The following SCAF11 variants were observed in gnomAD, a reference collection of about 807,000 sequenced individuals.
SCAF11 encodes the protein SR-related CTD associated factor 11.
SCAF11 carries 47 observed loss-of-function variants against 140.5 expected under a neutral mutation model. The ratio of observed to expected loss-of-function variants is 0.33; its 90% CI spans 0.26 to 0.43. The LOEUF is 0.43. Among genes scored for constraint, SCAF11 ranks in the 20% least tolerant of loss-of-function variants. The pLI is 1.00. For synonymous variants in SCAF11, 557 were observed against 579.4 expected (o/e 0.96, Z 0.55); for missense variants, 1,645 against 1,705.1 (o/e 0.96, Z 0.62).
intron 1 of SCAF11, among the ~76,000 whole-genome samples, chr12:45,983,335 G>A (rs150517492): frequency 1.3e-5 from 2 of 152,180 alleles, no homozygotes; most frequent in African/African-American, 4.8e-5. Context: ...CTCCCCTAGG[G>A]CACAGACCTA....
intron 10 of SCAF11, 44 bp downstream of exon 10, chr12:45,931,459 CTAA>C (rs762258577): frequency 2.0e-6 from 2 of 997,684 alleles, no homozygotes; most frequent in South Asian, 2.4e-5. Context: ...CTGGAAGAAA[CTAA>C]TAATAATAAT....
rs1403102037 is a variant in SCAF11, at chr12:45,955,055, G to A, written c.220-3328C>T. The A allele has an allele frequency of 2.0e-5, 3 of 151,922 alleles. No individual in the cohort carries two copies. In the East Asian group the frequency reaches 5.8e-4, roughly 29 times the overall value. 9.4% of individuals were successfully genotyped at this position (151,922 alleles called of 1,614,324 possible). A position where few individuals can be genotyped will look rare whatever the true frequency, so the allele number is the denominator to read the frequency against. ...CAAGAAAAAAAAGTAGTAGTAATAGGAAAACTACTGCCATATATCATCACA... is the reference window on the plus strand; with the variant it reads ...CAAGAAAAAAAAGTAGTAGTAATAGAAAAACTACTGCCATATATCATCACA... On this transcript the variant is annotated intron_variant, in intron 3 of 14. Coordinates refer to ENST00000369367, the MANE Select transcript of SCAF11 (RefSeq NM_004719.3).
chr12:45,989,969 G>A (rs1592235545), intron 1 of SCAF11, among the ~76,000 whole-genome samples: 1 of 151,204 alleles, frequency 6.6e-6, no homozygotes, highest in Non-Finnish European at 1.5e-5. Flanking sequence ...CTGGCGTGGA[G>A]CCCCTTCCCC....
upstream of SCAF11, chr12:45,990,677 G>A: frequency 1.0e-6 from 1 of 982,784 alleles, no homozygotes; most frequent in Non-Finnish European, 1.3e-6. Context: ...TGACGACGGC[G>A]GCAGCCGGAC....
chr12:45,936,145 T>C (rs1000647130), intron 6 of SCAF11, among the ~76,000 whole-genome samples: 2 of 151,610 alleles, frequency 1.3e-5, no homozygotes, highest in African/African-American at 2.4e-5. Context: ...GTGGTTTTTT[T>C]TGTTTTTTTT....
At chr12:45,958,139 G>A (rs1032697326) in intron 3 of SCAF11, among the ~76,000 whole-genome samples, 6 of 151,644 alleles carry the variant, frequency 4.0e-5, no homozygotes, top group Non-Finnish European at 7.4e-5. Flanking sequence ...TCCTGGGCTC[G>A]AGTGATCCAC....
chr12:45,991,897 C>G (rs1317686084), upstream of SCAF11: 3 of 1,286,826 alleles, frequency 2.3e-6, no homozygotes, highest in East Asian at 1.7e-4. Context: ...AGGTCCCAGT[C>G]GCTTTCAGCC....
At chr12:45,979,990 T>A (rs181845954) in intron 1 of SCAF11, among the ~76,000 whole-genome samples, 3 of 152,298 alleles carry the variant, frequency 2.0e-5, no homozygotes, top group Admixed American at 1.3e-4. Flanking sequence ...GCCCATAACC[T>A]AGATTTTTGT....
rs774101580 is a variant in SCAF11 at position 45,927,333 on chromosome 12, G to C, written c.2368C>G (p.Arg790Gly). 4 of 1,614,016 alleles carry C rather than the reference G, an allele frequency of 2.5e-6. No homozygotes were observed. The highest frequency in any genetic ancestry group is 1.7e-5 in the Admixed American group (1 of 60,000). The change falls in exon 11 of 15, where the codon CGA (arginine) becomes GGA (glycine). Residue 790 changes from arginine to glycine, a missense_variant. Around this residue, in one of 2 missense-constraint regions of SCAF11, gnomAD observed 1,582 missense variants for 1,609.2 expected, o/e 0.98. Coordinates refer to ENST00000369367, the MANE Select transcript of SCAF11 (RefSeq NM_004719.3). ...GATGGAGAATGAAATCTAGATCTTC[G>C]AGTACGAGGCTTTTTGGTTTTATCT... ...TIDKTKKPRT[R>G]RSRFHSPSTT...
intron 9 of SCAF11, among the ~76,000 whole-genome samples, chr12:45,932,727 C>T (rs1246556216): frequency 6.6e-6 from 1 of 151,918 alleles, no homozygotes; most frequent in East Asian, 1.9e-4. Context: ...AGAGTAGGCA[C>T]TTGATCAAAT....
chr12:45,954,371 G>A lies in SCAF11; in HGVS notation c.220-2644C>T, dbSNP rs369249749. ...CCCATGTCAGCCTCCTGAGTAGCTG[G>A]GACTACAGGTGCATGCCACCATACC... is the stretch of plus-strand genomic sequence containing the variant. On this transcript the variant is annotated intron_variant, in intron 3 of 14. Coordinates refer to ENST00000369367, the MANE Select transcript of SCAF11 (RefSeq NM_004719.3). 4.6e-5 allele frequency among the ~76,000 whole-genome samples: 7 copies of A among 151,924 alleles called. No homozygotes were observed. The South Asian group carries it at 6.2e-4, about 14-fold the overall frequency.
chr12:45,930,662 T>A (rs930919981), intron 10 of SCAF11, among the ~76,000 whole-genome samples: 14 of 152,134 alleles, frequency 9.2e-5, no homozygotes, highest in Non-Finnish European at 4.4e-5. Flanking sequence ...TAATACTGTA[T>A]CTTTACAGCT....
intron 1 of SCAF11, among the ~76,000 whole-genome samples, chr12:45,965,940 A>T (rs1945936420): frequency 6.6e-6 from 1 of 152,246 alleles, no homozygotes; most frequent in Admixed American, 6.5e-5. Flanking sequence ...AGGTTGTAGC[A>T]GATCAAATAC....
rs1351075364 is a variant in SCAF11, at chr12:45,926,709, T to C, written c.2992A>G (p.Lys998Glu). The change falls in exon 11 of 15, where the codon AAA becomes GAA. Residue 998 changes from lysine (K) to glutamate (E), a missense_variant. Lys to Glu is a moderately conservative substitution (Grantham distance 56, BLOSUM62 1). Coordinates refer to ENST00000369367, the MANE Select transcript of SCAF11 (RefSeq NM_004719.3). Reference protein sequence around the residue: ...DPEKQNENTRKEKNDIHLDAD... With the variant: ...DPEKQNENTREEKNDIHLDAD... Reference sequence around the variant, plus strand: ...TCTAGATGGATGTCATTTTTTTCTTTTCTTGTATTTTCATTCTGTTTCTCT... The same window carrying C: ...TCTAGATGGATGTCATTTTTTTCTTCTCTTGTATTTTCATTCTGTTTCTCT... 1.2e-6 allele frequency: 2 copies of C among 1,613,154 alleles called. No homozygotes were observed. The highest frequency in any genetic ancestry group is 1.7e-6 in the Non-Finnish European group (2 of 1,179,932).
chr12:45,928,872 A>T lies in SCAF11; in HGVS notation c.842-13T>A, dbSNP rs200795073. 0.027 allele frequency: 11,106 copies of T among 414,558 alleles called. 22 individuals carry two copies. The highest frequency in any genetic ancestry group is 0.062 in the Middle Eastern group (88 of 1,426). The allele number at this position is 414,558 out of a possible 1,614,324, so 25.7% of individuals were successfully genotyped here. A position where few individuals can be genotyped will look rare whatever the true frequency, so the allele number is the denominator to read the frequency against. On this transcript the variant is annotated splice_polypyrimidine_tract_variant and intron_variant, in intron 10 of 14. Coordinates refer to ENST00000369367, the MANE Select transcript of SCAF11 (RefSeq NM_004719.3). The stretch of plus-strand genomic sequence containing the variant: ...TTGCAAGAAGTACCTAATAATATTT[A>T]AAAAAAAAAAAAAAGTAAAAAATAT...
At chr12:45,962,340 G>A (rs1282243690) in intron 2 of SCAF11, among the ~76,000 whole-genome samples, 1 of 152,028 alleles carries the variant, frequency 6.6e-6, no homozygotes, top group Non-Finnish European at 1.5e-5. Flanking sequence ...ACATTCACAT[G>A]TTTTCAACTT....
At chr12:45,989,153 A>T (rs145678768) in intron 1 of SCAF11, among the ~76,000 whole-genome samples, 109 of 152,344 alleles carry the variant, frequency 7.2e-4, no homozygotes, top group African/African-American at 2.6e-3. Context: ...TACTAATAAA[A>T]TACAAAAACC....
intron 1 of SCAF11, 24 bp from the exon 2 acceptor site, chr12:45,964,212 A>G: frequency 9.1e-7 from 1 of 1,100,834 alleles, no homozygotes; most frequent in Non-Finnish European, 1.3e-6. Context: ...TATAATAGAG[A>G]ATTTTATGTT....
chr12:45,974,165 C>G lies in SCAF11; in HGVS notation c.-21-9977G>C, dbSNP rs1294708218. 8.5e-6 allele frequency: 4 copies of G among 470,568 alleles called. No homozygotes were observed. The Admixed American group carries it at 9.4e-5, about 11-fold the overall frequency. 29.1% of individuals were successfully genotyped at this position (470,568 alleles called of 1,614,324 possible). On this transcript the variant is annotated intron_variant, in intron 1 of 14. Coordinates refer to ENST00000369367, the MANE Select transcript of SCAF11 (RefSeq NM_004719.3). ...TGTGCAACAGCATTATGTCTAAAAA[C>G]TGTACATACTTGATTTAAAAATACC...
Sources: allele counts gnomAD v4.1 joint callset (sites outside exome capture counted in the v4.1 genomes callset), GRCh38; gene constraint gnomAD v4.1.1; regional missense constraint gnomAD v4.1.1; transcripts MANE v1.5; gene names NCBI Gene and HGNC (gene_info 2026-07-23, HGNC 2026-07-21).